Variants in TRPC5 observed in about 807,000 individuals in gnomAD.
TRPC5 encodes the protein short transient receptor potential channel 5.
Under a neutral mutation model 56.5 loss-of-function variants are expected in TRPC5, and 9 were observed. The ratio of observed to expected loss-of-function variants is 0.16; its 90% CI spans 0.10 to 0.28. The LOEUF is 0.28. TRPC5 is among the 10% of genes least tolerant of loss of function. TRPC5 has a pLI of 1.00. For missense variants in TRPC5, 469 were observed against 748.9 expected, an observed-to-expected ratio of 0.63 and a Z score of 4.36; for synonymous variants, 282 against 278.5, an observed-to-expected ratio of 1.01 and a Z score of -0.13.
chrX:111,837,892 C>T (rs1922610137), intron 6 of TRPC5, among the ~76,000 whole-genome samples: 1 of 81,715 alleles, frequency 1.2e-5, no homozygotes, highest in South Asian at 6.6e-4. Flanking sequence ...AGCAACATAA[C>T]AAAGCCCCGT....
chrX:111,781,097 G>A, intron 9 of TRPC5, 68 bp downstream of exon 9: 1 of 1,036,811 alleles, frequency 9.6e-7, no homozygotes, highest in Non-Finnish European at 1.4e-6. Flanking sequence ...CAGCCAGAGT[G>A]AAGTTTGCTT....
rs148419251 is a variant in TRPC5, at chrX:111,866,824, A to G, written c.901-12718T>C. ...TTTTGTTTCTACAGCTGTCTAAAGG[A>G]TCAATAGGATTTAATGCCTGATTCA... is the stretch of plus-strand genomic sequence containing the variant. On this transcript the variant is annotated intron_variant, in intron 3 of 10. Coordinates refer to ENST00000262839, the MANE Select transcript of TRPC5 (RefSeq NM_012471.3). Among the ~76,000 whole-genome samples, 8 of 112,438 alleles carry G rather than the reference A, an allele frequency of 7.1e-5. No individual in the cohort carries two copies. In the East Asian group the frequency reaches 2.2e-3, roughly 31 times the overall value.
At chrX:112,026,082 C>T (rs1929405406) in intron 1 of TRPC5, among the ~76,000 whole-genome samples, 1 of 111,991 alleles carries the variant, frequency 8.9e-6, no homozygotes, top group African/African-American at 3.2e-5. Context: ...TGCATCAGTG[C>T]CCCTGCACCT....
At chrX:111,790,357 A>G (rs1946009215) in intron 7 of TRPC5, among the ~76,000 whole-genome samples, 1 of 111,197 alleles carries the variant, frequency 9.0e-6, no homozygotes, top group Admixed American at 9.6e-5. Flanking sequence ...GGAATTGAAC[A>G]ATGAGATCAC....
chrX:111,897,828 C>T (rs772765793), intron 3 of TRPC5, among the ~76,000 whole-genome samples: 1 of 111,500 alleles, frequency 9.0e-6, no homozygotes, highest in Admixed American at 9.5e-5. Context: ...ATTATGCATA[C>T]AACTTCTATA....
At chrX:112,022,912 G>A (rs1929307558) in intron 1 of TRPC5, among the ~76,000 whole-genome samples, 1 of 111,932 alleles carries the variant, frequency 8.9e-6, no homozygotes, top group Admixed American at 9.5e-5. Flanking sequence ...AAACTTGTCT[G>A]TGGGGATTGA....
At chrX:112,038,050 G>A (rs775941494) in intron 1 of TRPC5, among the ~76,000 whole-genome samples, 6 of 111,315 alleles carry the variant, frequency 5.4e-5, no homozygotes, top group Admixed American at 9.6e-5. Context: ...GCAAAACCAT[G>A]CACATGTATT....
chrX:112,047,841 T>A (rs1302888792), intron 1 of TRPC5, among the ~76,000 whole-genome samples: 1 of 111,896 alleles, frequency 8.9e-6, no homozygotes, highest in Non-Finnish European at 1.9e-5. Flanking sequence ...CCTGATTGTC[T>A]AATCTAAAGA....
intron 1 of TRPC5, among the ~76,000 whole-genome samples, chrX:112,031,059 C>A (rs1395401103): frequency 9.0e-6 from 1 of 111,713 alleles, no homozygotes; most frequent in Non-Finnish European, 1.9e-5. Context: ...TTTGGCTCTA[C>A]AACCTAATGT....
At chrX:112,080,268 T>G (rs1485389108) in intron 1 of TRPC5, among the ~76,000 whole-genome samples, 2 of 111,040 alleles carry the variant, frequency 1.8e-5, no homozygotes, top group African/African-American at 6.6e-5. Flanking sequence ...GGTAACATAG[T>G]AATAAATAGA....
chrX:111,971,275 C>T (rs751897006), intron 1 of TRPC5, among the ~76,000 whole-genome samples: 1 of 111,572 alleles, frequency 9.0e-6, no homozygotes, highest in Non-Finnish European at 1.9e-5. Context: ...TATCAGTTAG[C>T]TATTTGTTTA....
intron 3 of TRPC5, among the ~76,000 whole-genome samples, chrX:111,908,379 T>C (rs765627529): frequency 8.9e-6 from 1 of 111,923 alleles, no homozygotes; most frequent in Admixed American, 9.5e-5. Context: ...TTAAAATTGA[T>C]GTATGGCCAT....
rs762113946 is a variant in TRPC5 at position 111,992,988 on chromosome X, G to A, written c.-21-40547C>T. On this transcript the variant is annotated intron_variant, in intron 1 of 10. Transcript: ENST00000262839. ...ACATAGGTATACATGTGCCATGTTGGTTTGCTGTACCCATCAACTCATCAT... is the reference window on the plus strand; with the variant it reads ...ACATAGGTATACATGTGCCATGTTGATTTGCTGTACCCATCAACTCATCAT... 3.6e-5 allele frequency among the ~76,000 whole-genome samples: 4 copies of A among 110,329 alleles called. No individual in the cohort carries two copies. The South Asian group carries it at 1.6e-3, about 43-fold the overall frequency.
chrX:112,023,246 G>GTTTTTTTTTTTTTTT (rs1163231468), intron 1 of TRPC5, among the ~76,000 whole-genome samples: 2 of 56,680 alleles, frequency 3.5e-5, no homozygotes, highest in Non-Finnish European at 6.3e-5. Context: ...TTTTTTTTTT[G>GTTTTTTTTTTTTTTT]TTTTTTTTTT....
intron 1 of TRPC5, among the ~76,000 whole-genome samples, chrX:112,044,484 C>T (rs1161385143): frequency 8.9e-6 from 1 of 112,004 alleles, no homozygotes; most frequent in Non-Finnish European, 1.9e-5. Flanking sequence ...AATGACTGCC[C>T]TTCCATACAG....
rs770431477 is a variant in TRPC5, at chrX:111,847,075, A to AC, written c.1700+38_1700+39insG. 4 of 1,154,535 alleles carry AC rather than the reference A, an allele frequency of 3.5e-6. No homozygotes were observed. In the African/African-American group the frequency reaches 5.5e-5, roughly 16 times the overall value. The stretch of plus-strand genomic sequence containing the variant: ...TGGAGAAGGCGGAAAAAATGGCAAA[A>AC]AAAAAAATAAATAAATAAAGGAAAG... On this transcript the variant is annotated intron_variant, in intron 6 of 10. Transcript: ENST00000262839.
chrX:112,043,224 A>G (rs754618926), intron 1 of TRPC5, among the ~76,000 whole-genome samples: 1 of 112,281 alleles, frequency 8.9e-6, no homozygotes, highest in Non-Finnish European at 1.9e-5. Flanking sequence ...AAGTTGACTG[A>G]CAATGTGGAT....
chrX:111,955,700 C>A (rs1021115306), intron 1 of TRPC5, among the ~76,000 whole-genome samples: 1 of 111,789 alleles, frequency 8.9e-6, no homozygotes, highest in African/African-American at 3.3e-5. Flanking sequence ...AGAGGCCAAT[C>A]CTTTCTCTGC....
intron 6 of TRPC5, among the ~76,000 whole-genome samples, chrX:111,839,362 G>C (rs1237587959): frequency 8.9e-6 from 1 of 111,762 alleles, no homozygotes; most frequent in South Asian, 3.8e-4. Context: ...ACACTGTAGA[G>C]GCAATAGAGG....
Sources: allele counts gnomAD v4.1 joint callset (sites outside exome capture counted in the v4.1 genomes callset), GRCh38; gene constraint gnomAD v4.1.1; transcripts MANE v1.5; gene names NCBI Gene and HGNC (gene_info 2026-07-23, HGNC 2026-07-21).